Variants in INSYN2A observed in about 807,000 individuals in gnomAD.
The protein encoded by INSYN2A is family with sequence similarity 196 member A.
In INSYN2A, 17 loss-of-function variants were observed where a neutral mutation model predicts 39.4. The ratio of observed to expected loss-of-function variants is 0.43; its 90% CI spans 0.30 to 0.65. The LOEUF is 0.65. Among genes scored for constraint, INSYN2A ranks in the 30% least tolerant of loss-of-function variants. The pLI is 0.14. For synonymous variants in INSYN2A, 255 were observed against 265.7 expected (o/e 0.96, Z 0.39); for missense variants, 595 against 631.2 (o/e 0.94, Z 0.61).
At chr10:127,179,366 G>A (rs1034656390) in intron 2 of INSYN2A, among the ~76,000 whole-genome samples, 1 of 152,132 alleles carries the variant, frequency 6.6e-6, no homozygotes, top group Non-Finnish European at 1.5e-5. Flanking sequence ...TCATTTCGTT[G>A]TTAGTAAAAA....
At chr10:127,167,810 CCACCACCCCCCATCCCCAAAATA>C (rs2054218965) in intron 4 of INSYN2A, among the ~76,000 whole-genome samples, 2 of 151,964 alleles carry the variant, frequency 1.3e-5, no homozygotes, top group African/African-American at 2.4e-5. Context: ...GTGATCCTCA[CCACCACCCCCCATCCCCAAAATA>C]CACCACCCTG....
At chr10:127,186,553 C>G (rs1290474638) in intron 2 of INSYN2A, among the ~76,000 whole-genome samples, 1 of 145,174 alleles carries the variant, frequency 6.9e-6, no homozygotes, top group African/African-American at 2.5e-5. Flanking sequence ...CAGTTCCACC[C>G]TTGACACATG....
At chr10:127,154,024 A>C in intron 4 of INSYN2A, 101 bp from the exon 5 acceptor site, 31 of 797,654 alleles carry the variant, frequency 3.9e-5, no homozygotes, top group Non-Finnish European at 6.8e-5. Flanking sequence ...TGCCAAGCTC[A>C]TCATGGTCAT....
chr10:127,176,522 G>C lies in INSYN2A; in HGVS notation c.-5-122C>G. On this transcript the variant is annotated intron_variant, in intron 3 of 5. Transcript: ENST00000522781. The surrounding 1 kb of genome is among the most constrained non-coding windows in gnomAD (Gnocchi z 4.4). ...TTCCTAATTATATTTAAGCAGGTGA[G>C]GTCGGCCTTTATGTTAAGGAAAATC... 1.2e-6 allele frequency: 1 copy of C among 806,272 alleles called. No individual in the cohort carries two copies. The highest frequency in any genetic ancestry group is 1.9e-6 in the Non-Finnish European group (1 of 518,876). 49.9% of individuals were successfully genotyped at this position (806,272 alleles called of 1,614,324 possible). A position where few individuals can be genotyped will look rare whatever the true frequency, so the allele number is the denominator to read the frequency against.
intron 4 of INSYN2A, among the ~76,000 whole-genome samples, chr10:127,160,679 G>T (rs1281303355): frequency 2.0e-5 from 3 of 152,216 alleles, no homozygotes; most frequent in African/African-American, 4.8e-5. Context: ...CAATTCAGAG[G>T]CTGTATCCTA....
At chr10:127,184,974 C>T (rs1431429738) in intron 2 of INSYN2A, among the ~76,000 whole-genome samples, 3 of 152,166 alleles carry the variant, frequency 2.0e-5, no homozygotes, top group African/African-American at 7.2e-5. Context: ...TCTAGTCCAG[C>T]AGGAGAGAGA....
chr10:127,169,494 C>G (rs944728682), intron 4 of INSYN2A, among the ~76,000 whole-genome samples: 3 of 152,222 alleles, frequency 2.0e-5, no homozygotes, highest in Non-Finnish European at 2.9e-5. Flanking sequence ...AATATGGTCA[C>G]TGTATTTACA....
intron 5 of INSYN2A, among the ~76,000 whole-genome samples, chr10:127,145,559 G>A (rs1293546298): frequency 6.6e-6 from 1 of 152,184 alleles, no homozygotes; most frequent in Non-Finnish European, 1.5e-5. Flanking sequence ...GCTGGTTGCT[G>A]TGAGTCCCTC....
chr10:127,141,681 A>C (rs61680606), intron 5 of INSYN2A, among the ~76,000 whole-genome samples: 43,130 of 150,378 alleles, frequency 0.29, 6,405 homozygotes, highest in African/African-American at 0.36. Context: ...TAAAACAAAA[A>C]AAAAAAAAAA....
intron 1 of INSYN2A, among the ~76,000 whole-genome samples, chr10:127,195,608 G>T (rs1414850830): frequency 1.3e-5 from 2 of 152,090 alleles, no homozygotes; most frequent in Non-Finnish European, 2.9e-5. Context: ...AAACCTTCCG[G>T]GGAGACGGCC....
intron 1 of INSYN2A, among the ~76,000 whole-genome samples, chr10:127,194,816 C>A (rs145656348): frequency 6.6e-6 from 1 of 152,310 alleles, no homozygotes; most frequent in African/African-American, 2.4e-5. Flanking sequence ...GGCAGGGCTC[C>A]CCCAAAGTTC....
intron 2 of INSYN2A, among the ~76,000 whole-genome samples, chr10:127,187,289 AAG>A (rs899875673): frequency 3.3e-5 from 5 of 152,254 alleles, no homozygotes; most frequent in African/African-American, 1.2e-4. Flanking sequence ...GGAAAAGAGA[AAG>A]AGAACAGTAG....
intron 5 of INSYN2A, among the ~76,000 whole-genome samples, chr10:127,151,841 A>G (rs909585969): frequency 1.3e-5 from 2 of 152,148 alleles, no homozygotes; most frequent in African/African-American, 4.8e-5. Flanking sequence ...ATGTAGAGTG[A>G]TGTTTGAGCC....
intron 4 of INSYN2A, among the ~76,000 whole-genome samples, chr10:127,156,948 G>A (rs142863509): frequency 6.6e-6 from 1 of 152,178 alleles, no homozygotes; most frequent in East Asian, 1.9e-4. Flanking sequence ...CCTCCATTAC[G>A]GTCAGTAAGC....
chr10:127,154,213 T>C (rs1057393705), intron 4 of INSYN2A, among the ~76,000 whole-genome samples: 3 of 152,246 alleles, frequency 2.0e-5, no homozygotes, highest in African/African-American at 7.2e-5. Context: ...GATGTTTCAA[T>C]GCAGATTTAT....
intron 4 of INSYN2A, among the ~76,000 whole-genome samples, chr10:127,172,698 G>A (rs954612070): frequency 1.3e-5 from 2 of 152,150 alleles, no homozygotes; most frequent in East Asian, 3.9e-4. Flanking sequence ...ACAGAGACCT[G>A]CCTTTCTACC....
chr10:127,157,364 G>T (rs1417373983), intron 4 of INSYN2A, among the ~76,000 whole-genome samples: 1 of 152,232 alleles, frequency 6.6e-6, no homozygotes, highest in East Asian at 1.9e-4. Flanking sequence ...GCAGGTGAGA[G>T]TGGGGAGAGA....
intron 5 of INSYN2A, among the ~76,000 whole-genome samples, chr10:127,142,255 G>A (rs888118250): frequency 2.0e-5 from 3 of 152,200 alleles, no homozygotes; most frequent in Non-Finnish European, 4.4e-5. Context: ...ACACGGGCAC[G>A]TGGGAAGCCG....
intron 4 of INSYN2A, among the ~76,000 whole-genome samples, chr10:127,164,077 C>T (rs765560965): frequency 5.4e-5 from 8 of 146,818 alleles, no homozygotes; most frequent in South Asian, 2.4e-4. Context: ...ACCTGGGTGG[C>T]GTCCCAGGGG....
Sources: allele counts gnomAD v4.1 joint callset (sites outside exome capture counted in the v4.1 genomes callset), GRCh38; gene constraint gnomAD v4.1.1; non-coding constraint Gnocchi (gnomAD v3.1); transcripts MANE v1.5; gene names NCBI Gene and HGNC (gene_info 2026-07-23, HGNC 2026-07-21).